The following ADCY7 variants were observed in gnomAD, a reference collection of about 807,000 sequenced individuals.
ADCY7 encodes adenylate cyclase 7, also known as adenylate cyclase type 7.
ADCY7 carries 72 observed loss-of-function variants against 120.6 expected under a neutral mutation model. The ratio of observed to expected loss-of-function variants is 0.60; its 90% CI spans 0.49 to 0.73. The LOEUF (loss-of-function observed/expected upper bound fraction) is 0.73. Ranked by LOEUF, ADCY7 falls within the 30% of genes least tolerant of loss-of-function variation. The pLI is 0.00. For missense variants in ADCY7, 1,227 were observed against 1,486.0 expected (o/e 0.83, Z 2.87); for synonymous variants, 661 against 628.0 (o/e 1.05, Z -0.78).
At chr16:50,253,843 G>C (rs895270746) in intron 1 of ADCY7, among the ~76,000 whole-genome samples, 11 of 152,200 alleles carry the variant, frequency 7.2e-5, no homozygotes, top group Non-Finnish European at 4.4e-5. Flanking sequence ...GTGGGGACTG[G>C]AGGCCAGAGC....
intron 1 of ADCY7, among the ~76,000 whole-genome samples, chr16:50,257,108 G>T (rs1275322179): frequency 6.6e-6 from 1 of 152,130 alleles, no homozygotes; most frequent in Non-Finnish European, 1.5e-5. Flanking sequence ...GGCTGTGTGC[G>T]GTGGCTCATG....
At chr16:50,272,643 T>G (rs2033646298) in intron 1 of ADCY7, among the ~76,000 whole-genome samples, 1 of 152,176 alleles carries the variant, frequency 6.6e-6, no homozygotes, top group Non-Finnish European at 1.5e-5. Context: ...GGATGTGGAC[T>G]GGGGGCCAGT....
Position 50,291,717 on chromosome 16 carries a change from C to T in ADCY7, c.376-19C>T, listed in dbSNP as rs2150966041. The T allele has an allele frequency of 6.2e-7, 1 of 1,613,842 alleles. No homozygotes were observed. Among genetic ancestry groups the T allele is most frequent in the South Asian group, 1.1e-5 (1 of 91,052 alleles). On this transcript the variant is annotated intron_variant, in intron 3 of 25. Coordinates refer to ENST00000673801, the MANE Select transcript of ADCY7 (RefSeq NM_001114.5). ...GGGCAGCATCTTGGGGCACCGGGCTCACCAGGCTGCATCCACAGGTGCCCT... is the reference window on the plus strand; with the variant it reads ...GGGCAGCATCTTGGGGCACCGGGCTTACCAGGCTGCATCCACAGGTGCCCT...
At chr16:50,301,249 C>A (rs1391888971) in intron 10 of ADCY7, 35 bp downstream of exon 10, 2 of 1,553,014 alleles carry the variant, frequency 1.3e-6, no homozygotes, top group East Asian at 4.8e-5. Flanking sequence ...TGGGGGGGAC[C>A]CGGAGGGACT....
In ADCY7 at chr16:50,288,248, G is replaced by C. The variant is rs1428171713; in HGVS notation, c.69G>C (p.Glu23Asp). Residue 23 changes from glutamate (E) to aspartate (D), a missense_variant, in exon 2 of 26, where the codon GAG becomes GAC. Glu to Asp is a conservative substitution (Grantham distance 45). Coordinates refer to ENST00000673801, the MANE Select transcript of ADCY7 (RefSeq NM_001114.5). ...GCCCTGACCAAGATGCGCTCTACGAGAAGTACCAGCTCACCAGCCAGCATG... is the reference window on the plus strand; with the variant it reads ...GCCCTGACCAAGATGCGCTCTACGACAAGTACCAGCTCACCAGCCAGCATG... ...EEGPDQDALY[E>D]KYQLTSQHGP... 4.5e-6 allele frequency: 7 copies of C among 1,551,300 alleles called. No individual in the cohort carries two copies. The highest frequency in any genetic ancestry group is 6.1e-6 in the Non-Finnish European group (7 of 1,147,062).
intron 1 of ADCY7, among the ~76,000 whole-genome samples, chr16:50,253,987 C>T (rs2032837756): frequency 6.6e-6 from 1 of 152,338 alleles, no homozygotes; most frequent in South Asian, 2.1e-4. Context: ...CTCTCTCTGT[C>T]TGTCTCTCTC....
intron 21 of ADCY7, 21 bp downstream of exon 21, chr16:50,312,212 G>A: frequency 3.7e-6 from 6 of 1,612,128 alleles, no homozygotes; most frequent in Non-Finnish European, 5.1e-6. Context: ...AAGGGGCTGG[G>A]GCGGGGGCAG....
At chr16:50,301,248 C>A (rs758152877) in intron 10 of ADCY7, 34 bp downstream of exon 10, 2 of 1,552,484 alleles carry the variant, frequency 1.3e-6, no homozygotes, top group Non-Finnish European at 1.7e-6. Context: ...CTGGGGGGGA[C>A]CCGGAGGGAC....
chr16:50,312,690 G>A lies in ADCY7; in HGVS notation c.2605-200G>A, dbSNP rs1330958150. 1.3e-5 allele frequency among the ~76,000 whole-genome samples: 2 copies of A among 152,062 alleles called. 1 individual carries two copies. Among genetic ancestry groups the A allele is most frequent in the South Asian group, 4.2e-4 (2 of 4,818 alleles). ...TGCTTCTGTGAGCAAAAACCAACCT[G>A]AGCCTGACCCTCCCTGGCCACCCAA... On this transcript the variant is annotated intron_variant, in intron 21 of 25. Coordinates refer to ENST00000673801, the MANE Select transcript of ADCY7 (RefSeq NM_001114.5).
In ADCY7 at chr16:50,290,516, G is replaced by A. The variant is rs1287001546; in HGVS notation, c.231G>A (p.Ala77=). The change falls in exon 3 of 26, where the codon GCG becomes GCA. Residue 77 remains alanine, a synonymous_variant. Transcript: ENST00000673801. ...GMAFLVLAVF[A]ALSVLMYVEC... ...CGTTCCTGGTGCTGGCGGTGTTTGC[G>A]GCCCTCTCTGTGCTGATGTACGTCG... 3.1e-6 allele frequency: 5 copies of A among 1,614,092 alleles called. No homozygotes were observed. Among genetic ancestry groups the A allele is most frequent in the South Asian group, 2.2e-5 (2 of 91,096 alleles).
chr16:50,257,504 T>G (rs780240073), intron 1 of ADCY7, among the ~76,000 whole-genome samples: 8 of 152,190 alleles, frequency 5.3e-5, no homozygotes, highest in Non-Finnish European at 8.8e-5. Context: ...GGTGATATGT[T>G]AATTAGCTTC....
rs781336914 is a variant in ADCY7, at chr16:50,309,596, G to A, written c.2110G>A (p.Gly704Ser). ...AGAGCTGCCTGTTGGCAATGAGACA[G>A]GCCTACTGGCCGCGAGCAGCAAGAC... ...VPELPVGNET[G>S]LLAASSKTRA... The change falls in exon 18 of 26, where the codon GGC (glycine) becomes AGC (serine). Residue 704 changes from glycine to serine, a missense_variant. This residue lies in a region of ADCY7 where 267 missense variants were observed against 270.0 expected (regional missense o/e 0.99). Coordinates refer to ENST00000673801, the MANE Select transcript of ADCY7 (RefSeq NM_001114.5). 1.2e-6 allele frequency: 2 copies of A among 1,613,468 alleles called. No individual in the cohort carries two copies. Among genetic ancestry groups the A allele is most frequent in the South Asian group, 1.1e-5 (1 of 91,068 alleles).
At chr16:50,308,577 T>A in intron 16 of ADCY7, 90 bp from the exon 17 acceptor site, 2 of 1,554,246 alleles carry the variant, frequency 1.3e-6, no homozygotes. Context: ...TGGAGGCTTC[T>A]CCCGAGGATA....
intron 22 of ADCY7, 189 bp from the exon 23 acceptor site, chr16:50,313,769 A>T (rs1436257082): frequency 6.9e-6 from 4 of 583,742 alleles, no homozygotes; most frequent in South Asian, 2.2e-5. Flanking sequence ...CAACAGGAAG[A>T]GCAGGAGCCG....
intron 1 of ADCY7, among the ~76,000 whole-genome samples, chr16:50,261,035 C>A (rs1346999061): frequency 6.6e-6 from 1 of 152,178 alleles, no homozygotes; most frequent in Non-Finnish European, 1.5e-5. Context: ...GCTCGTAGCT[C>A]ACACCTACTG....
intron 22 of ADCY7, 120 bp downstream of exon 22, chr16:50,313,156 T>A (rs2036578231): frequency 7.2e-7 from 1 of 1,381,674 alleles, no homozygotes; most frequent in African/African-American, 1.4e-5. Context: ...GGCAAGGTGG[T>A]CTATAATCCC....
In ADCY7 at chr16:50,315,660, C is replaced by A; in HGVS notation, c.*155C>A. 2 of 930,962 alleles carry A rather than the reference C, an allele frequency of 2.1e-6. No individual in the cohort carries two copies. The highest frequency in any genetic ancestry group is 3.1e-6 in the Non-Finnish European group (2 of 638,202). The allele number at this position is 930,962 out of a possible 1,614,324, so 57.7% of individuals were successfully genotyped here. ...CCTGCACTGGAGGATTTCTCAGACA[C>A]ATGCACCAGATTCTGGCTCGAAGCA... is the stretch of plus-strand genomic sequence containing the variant. On this transcript the variant is annotated 3_prime_UTR_variant, in exon 26 of 26. Transcript: ENST00000673801.
chr16:50,251,685 C>A (rs1006548825), intron 1 of ADCY7, among the ~76,000 whole-genome samples: 3 of 152,264 alleles, frequency 2.0e-5, no homozygotes, highest in Non-Finnish European at 4.4e-5. Flanking sequence ...CCGGTGGAAG[C>A]TCGGCAGGGT....
intron 14 of ADCY7, among the ~76,000 whole-genome samples, chr16:50,306,760 A>G (rs577611299): frequency 6.6e-6 from 1 of 152,296 alleles, no homozygotes; most frequent in South Asian, 2.1e-4. Flanking sequence ...GAAAAAGCTG[A>G]GAATGGAAAC....
Sources: allele counts gnomAD v4.1 joint callset (sites outside exome capture counted in the v4.1 genomes callset), GRCh38; gene constraint gnomAD v4.1.1; regional missense constraint gnomAD v4.1.1; transcripts MANE v1.5; gene names NCBI Gene and HGNC (gene_info 2026-07-23, HGNC 2026-07-21).